HERC1: variants seen among roughly 807,000 people sequenced by gnomAD.
HERC1 encodes the protein probable E3 ubiquitin-protein ligase HERC1.
In HERC1, 160 loss-of-function variants were observed where a neutral mutation model predicts 554.3. The observed-to-expected ratio is 0.29, with a 90% CI of 0.25 to 0.33. HERC1 has a LOEUF of 0.33. Ranked by LOEUF, HERC1 falls within the 10% of genes least tolerant of loss-of-function variation. The pLI, the probability that HERC1 is intolerant of heterozygous loss-of-function variation, is 1.00. For missense variants in HERC1, 4,919 were observed against 5,918.5 expected, an observed-to-expected ratio of 0.83 and a Z score of 5.54; for synonymous variants, 2,175 against 2,131.7, an observed-to-expected ratio of 1.02 and a Z score of -0.56.
At chr15:63,670,654 T>C (rs2070864290) in intron 39 of HERC1, among the ~76,000 whole-genome samples, 1 of 152,178 alleles carries the variant, frequency 6.6e-6, no homozygotes, top group South Asian at 2.1e-4. Flanking sequence ...CTGAATCCCA[T>C]GCCCACACTA....
Position 63,672,678 on chromosome 15 carries a change from A to C in HERC1, c.7863T>G (p.Ala2621=). Residue 2621 remains alanine (A), a synonymous_variant, in exon 39 of 78, where the codon GCT becomes GCG. Transcript: ENST00000443617. ...GKIKQEIDQQ[A]EESDPAQQAQ... ...CCTGCTGGGCAGGGTCACTTTCTTC[A>C]GCTTGTTGATCAATCTCTAGAAACC... 1.9e-6 allele frequency: 3 copies of C among 1,605,652 alleles called. No homozygotes were observed. The highest frequency in any genetic ancestry group is 2.2e-5 in the South Asian group (2 of 89,490).
chr15:63,706,886 A>T, intron 24 of HERC1, 55 bp from the exon 25 acceptor site: 1 of 1,146,928 alleles, frequency 8.7e-7, no homozygotes, highest in Non-Finnish European at 1.3e-6. Context: ...GTATTTTAAG[A>T]TTAAGATTTA....
intron 7 of HERC1, 97 bp from the exon 8 acceptor site, chr15:63,753,182 C>G: frequency 1.3e-6 from 1 of 797,190 alleles, no homozygotes; most frequent in Non-Finnish European, 1.8e-6. Flanking sequence ...ATGTTTCCAT[C>G]ACTAACCTGG....
Position 63,756,704 on chromosome 15 carries a change from G to C in HERC1, c.1266C>G (p.Gly422=), listed in dbSNP as rs1160281492. The change falls in exon 5 of 78, where the codon GGC becomes GGG. Residue 422 remains glycine, a synonymous_variant. Coordinates refer to ENST00000443617, the MANE Select transcript of HERC1 (RefSeq NM_003922.4). The surrounding 1 kb of genome is among the most constrained non-coding windows in gnomAD (Gnocchi z 5.0). The part of the protein sequence containing the change: ...QYCTFVISTD[G]SVRACGKGSY... ...TGCCTTTCCCGCAAGCTCTAACAGA[G>C]CCATCCGTAGAAATGACAAAAGTGC... is the stretch of plus-strand genomic sequence containing the variant. 1 of 1,612,162 alleles carries C rather than the reference G, an allele frequency of 6.2e-7. No individual in the cohort carries two copies. Among genetic ancestry groups the C allele is most frequent in the African/African-American group, 1.3e-5 (1 of 74,968 alleles).
At position 63,720,329 on chromosome 15, in the gene HERC1, T is replaced by C. The variant is rs115315686; in HGVS notation, c.3743-1432A>G. Among the ~76,000 whole-genome samples the C allele has an allele frequency of 4.7e-3, 711 of 152,064 alleles. 10 individuals carry two copies. The highest frequency in any genetic ancestry group is 0.017 in the African/African-American group (684 of 41,448). On this transcript the variant is annotated intron_variant, in intron 19 of 77. Coordinates refer to ENST00000443617, the MANE Select transcript of HERC1 (RefSeq NM_003922.4). ...TATTGTACTTTAACAATGTAGTATA[T>C]TCAGTAGATTTCAAATGGGGGTGGG...
At chr15:63,646,944 T>C (rs947450090) in intron 55 of HERC1, among the ~76,000 whole-genome samples, 22 of 151,934 alleles carry the variant, frequency 1.4e-4, no homozygotes, top group African/African-American at 5.3e-4. Flanking sequence ...TCACTAATCA[T>C]CAGAGAAAAG....
At chr15:63,741,331 T>C (rs1177641956) in intron 12 of HERC1, among the ~76,000 whole-genome samples, 1 of 137,974 alleles carries the variant, frequency 7.2e-6, no homozygotes, top group Non-Finnish European at 1.5e-5. Flanking sequence ...CGGGCCCATC[T>C]TTTTTTTTTT....
rs764050584 is a variant in HERC1 at position 63,640,242 on chromosome 15, G to A, written c.11811C>T (p.Ala3937=). The A allele has an allele frequency of 8.1e-6, 13 of 1,613,754 alleles. No individual in the cohort carries two copies. The highest frequency in any genetic ancestry group is 2.7e-5 in the African/African-American group (2 of 74,884). ...ACTGGGCTCCATTGGTCAGGGCTTC[G>A]GCAGCTTTTATAGTGGTTGAGAAAC... The part of the protein sequence containing the change: ...LECFSTTIKA[A]EALTNGAQFP... The change falls in exon 61 of 78, where the codon GCC becomes GCT. Residue 3937 remains alanine (A), a synonymous_variant. Transcript: ENST00000443617.
In HERC1 at chr15:63,686,662, AG is replaced by A; in HGVS notation, c.6049-128del. 4.2e-6 allele frequency: 3 copies of A among 718,180 alleles called. No homozygotes were observed. In the South Asian group the frequency reaches 5.9e-5, roughly 14 times the overall value. 44.5% of individuals were successfully genotyped at this position (718,180 alleles called of 1,614,324 possible). A position where few individuals can be genotyped will look rare whatever the true frequency, so the allele number is the denominator to read the frequency against. ...ATCTACTATGAATCAGTTACTGTGCAGGGCAACAGGAACACAATGATAAATA... is the reference window on the plus strand; with the variant it reads ...ATCTACTATGAATCAGTTACTGTGCAGGCAACAGGAACACAATGATAAATA... On this transcript the variant is annotated intron_variant, in intron 33 of 77. Transcript: ENST00000443617.
Position 63,654,447 on chromosome 15 carries a change from A to G in HERC1, c.10085-123T>C, listed in dbSNP as rs981981199. Reference sequence around the variant, plus strand: ...GGTGAACAAGCAAATGGGTTAACCCATATCTTTTAAGAATTGGCACTTTTG... The same window carrying G: ...GGTGAACAAGCAAATGGGTTAACCCGTATCTTTTAAGAATTGGCACTTTTG... On this transcript the variant is annotated intron_variant, in intron 50 of 77. Transcript: ENST00000443617. 6.0e-5 allele frequency: 41 copies of G among 678,992 alleles called. No homozygotes were observed. In the Middle Eastern group the frequency reaches 3.3e-3, roughly 54 times the overall value. The allele number at this position is 678,992 out of a possible 1,614,324, so 42.1% of individuals were successfully genotyped here.
At chr15:63,614,303 C>T (rs543497132) in intron 76 of HERC1, among the ~76,000 whole-genome samples, 1 of 152,272 alleles carries the variant, frequency 6.6e-6, no homozygotes, top group East Asian at 1.9e-4. Context: ...GTGCTTTCTT[C>T]TGTGAAACAG....
intron 63 of HERC1, 130 bp downstream of exon 63, chr15:63,638,278 TATC>T: frequency 1.1e-6 from 1 of 922,736 alleles, no homozygotes; most frequent in East Asian, 2.5e-5. Flanking sequence ...GAAAGCTATA[TATC>T]ATGACTTTCT....
intron 1 of HERC1, among the ~76,000 whole-genome samples, chr15:63,819,086 A>C (rs17188807): frequency 0.27 from 40,503 of 152,156 alleles, 5,889 homozygotes; most frequent in Middle Eastern, 0.37. Context: ...GCAGCTTTCC[A>C]ATCACTTACT....
chr15:63,814,943 T>C (rs1316064919), intron 1 of HERC1, among the ~76,000 whole-genome samples: 1 of 152,158 alleles, frequency 6.6e-6, no homozygotes, highest in Non-Finnish European at 1.5e-5. Context: ...AGTTCATGAA[T>C]AAAACTGTAT....
chr15:63,638,792 T>A lies in HERC1; in HGVS notation c.11902-16A>T. The A allele has an allele frequency of 6.2e-7, 1 of 1,605,120 alleles. No individual in the cohort carries two copies. ...TACTGTTATCCTGAAAAACAGGGGG[T>A]ACATAATGATCAATTCTGCTTAGGC... On this transcript the variant is annotated splice_polypyrimidine_tract_variant and intron_variant, in intron 61 of 77. Transcript: ENST00000443617.
rs1225754585 is a variant in HERC1, at chr15:63,612,780, T to C, written c.14095-224A>G. ...TGCTGTGGGATTCTTACACTCCTGG[T>C]TCCAGTTCAAGTCCAATTTAGGAGC... On this transcript the variant is annotated intron_variant, in intron 76 of 77. Transcript: ENST00000443617. The surrounding 1 kb of genome is among the most constrained non-coding windows in gnomAD (Gnocchi z 5.0). Among the ~76,000 whole-genome samples, 1 of 152,188 alleles carries C rather than the reference T, an allele frequency of 6.6e-6. No individual in the cohort carries two copies. Among genetic ancestry groups the C allele is most frequent in the Non-Finnish European group, 1.5e-5 (1 of 68,026 alleles).
intron 74 of HERC1, among the ~76,000 whole-genome samples, chr15:63,621,823 C>T (rs569594830): frequency 1.7e-4 from 26 of 152,258 alleles, no homozygotes; most frequent in Admixed American, 1.4e-3. Context: ...GTTTTCGTGC[C>T]ACGGTTTTCA....
intron 70 of HERC1, among the ~76,000 whole-genome samples, chr15:63,627,252 C>T (rs1017862257): frequency 2.0e-5 from 3 of 152,184 alleles, no homozygotes; most frequent in Admixed American, 6.5e-5. Context: ...ATCTTAGGAC[C>T]CCCCCTAAGA....
At chr15:63,784,242 TTGAC>T (rs112721642) in intron 1 of HERC1, among the ~76,000 whole-genome samples, 8,951 of 152,178 alleles carry the variant, frequency 0.059, 298 homozygotes, top group Non-Finnish European at 0.072. Flanking sequence ...TATTTTCAAA[TTGAC>T]TATTATCTAA....
Sources: gnomAD v4.1 joint callset for allele counts (sites outside exome capture counted in the v4.1 genomes callset) on GRCh38, gnomAD v4.1.1 for gene constraint, Gnocchi (gnomAD v3.1) non-coding constraint, MANE v1.5 for transcripts, NCBI Gene and HGNC (gene_info 2026-07-23, HGNC 2026-07-21) for gene names.